CACNA2D1: variants seen among roughly 807,000 people sequenced by gnomAD.
The protein encoded by CACNA2D1 is calcium voltage-gated channel auxiliary subunit alpha2delta 1, also known as voltage-dependent calcium channel subunit alpha-2/delta-1.
A neutral mutation model predicts 171.5 loss-of-function variants in CACNA2D1; 53 were observed. That is an observed-to-expected ratio of 0.31 (90% CI 0.25 to 0.39). The LOEUF is 0.39. Ranked by LOEUF, CACNA2D1 falls within the 10% of genes least tolerant of loss-of-function variation. The pLI is 1.00. For synonymous variants in CACNA2D1, 442 were observed against 443.1 expected (o/e 1.00, Z 0.03); for missense variants, 903 against 1,299.8 (o/e 0.69, Z 4.69).
At chr7:82,395,409 A>C (rs1825662256) in intron 1 of CACNA2D1, among the ~76,000 whole-genome samples, 1 of 152,232 alleles carries the variant, frequency 6.6e-6, no homozygotes. Context: ...GGGGTTATCC[A>C]CGGCATTCTG....
At chr7:82,183,130 A>C (rs1484830664) in intron 3 of CACNA2D1, among the ~76,000 whole-genome samples, 3 of 151,918 alleles carry the variant, frequency 2.0e-5, no homozygotes, top group African/African-American at 7.3e-5. Context: ...TAAAAGGTTT[A>C]TTTTATCAGT....
chr7:82,038,467 T>C (rs1266264955), intron 10 of CACNA2D1, among the ~76,000 whole-genome samples: 1 of 152,188 alleles, frequency 6.6e-6, no homozygotes, highest in East Asian at 1.9e-4. Flanking sequence ...AAGCCTGCTT[T>C]CCCTGCTTAT....
intron 1 of CACNA2D1, among the ~76,000 whole-genome samples, chr7:82,411,284 A>T (rs1456416957): frequency 1.3e-5 from 2 of 152,206 alleles, no homozygotes; most frequent in Non-Finnish European, 2.9e-5. Flanking sequence ...GATAGACCTG[A>T]GTTATAGCCC....
chr7:82,060,334 A>C, intron 10 of CACNA2D1, 94 bp downstream of exon 10: 1 of 794,302 alleles, frequency 1.3e-6, no homozygotes. Flanking sequence ...AAAATGTCTC[A>C]GCCTCTATAA....
chr7:82,129,465 T>C (rs1251126206), intron 5 of CACNA2D1, among the ~76,000 whole-genome samples: 2 of 152,218 alleles, frequency 1.3e-5, no homozygotes, highest in African/African-American at 4.8e-5. Flanking sequence ...TTCTGGCATT[T>C]GAAGAGTACT....
intron 3 of CACNA2D1, among the ~76,000 whole-genome samples, chr7:82,275,315 C>T (rs909522290): frequency 6.6e-6 from 1 of 152,118 alleles, no homozygotes; most frequent in Admixed American, 6.6e-5. Flanking sequence ...AATTTCAATA[C>T]CACTCCCCTG....
chr7:81,953,653 A>G (rs1033126178), intron 38 of CACNA2D1, among the ~76,000 whole-genome samples: 3 of 152,160 alleles, frequency 2.0e-5, no homozygotes, highest in African/African-American at 4.8e-5. Context: ...TAGGTACTCA[A>G]TAAAGCAGCA....
chr7:82,423,872 CAAGAA>C (rs1828939149), intron 1 of CACNA2D1, among the ~76,000 whole-genome samples: 1 of 152,080 alleles, frequency 6.6e-6, no homozygotes, highest in Admixed American at 6.5e-5. Context: ...TACCAGTCCA[CAAGAA>C]AAGTGCACAA....
At chr7:82,007,386 A>C (rs1002401352) in intron 16 of CACNA2D1, among the ~76,000 whole-genome samples, 3 of 152,146 alleles carry the variant, frequency 2.0e-5, no homozygotes, top group Non-Finnish European at 4.4e-5. Context: ...AAATGTGCAC[A>C]CAATATTACT....
intron 3 of CACNA2D1, among the ~76,000 whole-genome samples, chr7:82,282,733 T>G (rs2129377726): frequency 6.6e-6 from 1 of 151,670 alleles, no homozygotes; most frequent in Non-Finnish European, 1.5e-5. Context: ...GGGTTATCTA[T>G]AAAAATATCC....
intron 22 of CACNA2D1, 33 bp downstream of exon 22, chr7:81,984,602 A>G: frequency 8.2e-7 from 1 of 1,223,370 alleles, no homozygotes; most frequent in South Asian, 1.3e-5. Context: ...GGAGATAACA[A>G]ATGGACCCTG....
intron 4 of CACNA2D1, among the ~76,000 whole-genome samples, chr7:82,146,847 A>G (rs1257764833): frequency 6.6e-6 from 1 of 151,434 alleles, no homozygotes; most frequent in African/African-American, 2.4e-5. Context: ...TTAGTTGGCC[A>G]TGGTGGCACA....
chr7:82,135,552 A>G (rs1412561293), intron 5 of CACNA2D1, among the ~76,000 whole-genome samples: 1 of 152,146 alleles, frequency 6.6e-6, no homozygotes, highest in Admixed American at 6.5e-5. Context: ...CATTAACAGT[A>G]TTGTAGGAAC....
chr7:81,981,808 GATAA>G (rs1796466757), intron 24 of CACNA2D1, among the ~76,000 whole-genome samples: 1 of 151,844 alleles, frequency 6.6e-6, no homozygotes, highest in Non-Finnish European at 1.5e-5. Flanking sequence ...TTATATGAGA[GATAA>G]ATAAAATTGG....
chr7:82,139,487 C>G (rs954903911), intron 4 of CACNA2D1, among the ~76,000 whole-genome samples: 1 of 152,068 alleles, frequency 6.6e-6, no homozygotes, highest in Admixed American at 6.6e-5. Flanking sequence ...TCTACAAAAT[C>G]TGTTACTTAT....
intron 14 of CACNA2D1, among the ~76,000 whole-genome samples, chr7:82,012,654 T>C (rs985796884): frequency 1.3e-5 from 2 of 152,110 alleles, no homozygotes; most frequent in African/African-American, 2.4e-5. Flanking sequence ...ATATCACAGA[T>C]TGTTTGGCTG....
In CACNA2D1 at chr7:82,081,156, C is replaced by T. The variant is rs189444157; in HGVS notation, c.658+3613G>A. Among the ~76,000 whole-genome samples, 400 of 152,228 alleles carry T rather than the reference C, an allele frequency of 2.6e-3. 2 individuals are homozygous for T. Among genetic ancestry groups the T allele is most frequent in the African/African-American group, 8.8e-3 (366 of 41,532 alleles). On this transcript the variant is annotated intron_variant, in intron 7 of 38. Transcript: ENST00000356860. ...GTAGAAGTAACATATGTGCTGTTGC[C>T]ATTTATTGTTAAGATAATTAAAATA...
intron 38 of CACNA2D1, among the ~76,000 whole-genome samples, chr7:81,952,949 C>T (rs35985094): frequency 0.4 from 61,421 of 151,764 alleles, 12,586 homozygotes; most frequent in East Asian, 0.51. Context: ...ATATCTGGTA[C>T]CAGTAAATAG....
chr7:82,419,198 T>G (rs578042837), intron 1 of CACNA2D1, among the ~76,000 whole-genome samples: 3 of 152,214 alleles, frequency 2.0e-5, no homozygotes, highest in South Asian at 2.1e-4. Flanking sequence ...TTTACTGTTT[T>G]GGGGTCTCTG....
Sources: allele counts gnomAD v4.1 joint callset (sites outside exome capture counted in the v4.1 genomes callset), GRCh38; gene constraint gnomAD v4.1.1; transcripts MANE v1.5; gene names NCBI Gene and HGNC (gene_info 2026-07-23, HGNC 2026-07-21).